The following PDE1A variants were observed in gnomAD, a reference collection of about 807,000 sequenced individuals.
The protein encoded by PDE1A is phosphodiesterase 1A.
PDE1A carries 35 observed loss-of-function variants against 61.7 expected under a neutral mutation model. That is an observed-to-expected ratio of 0.57 (90% CI 0.43 to 0.75). The LOEUF is 0.75. PDE1A is among the 30% of genes least tolerant of loss of function. PDE1A has a pLI of 0.00. For missense variants in PDE1A, 597 were observed against 630.6 expected, an observed-to-expected ratio of 0.95 and a Z score of 0.57; for synonymous variants, 232 against 213.2, an observed-to-expected ratio of 1.09 and a Z score of -0.77.
At chr2:182,698,298 T>C in the PDE1A span, among the ~76,000 whole-genome samples, 311 of 152,284 alleles carry the variant, frequency 2.0e-3, 2 homozygotes, top group African/African-American at 7.3e-3. Context: ...GGAATCTATC[T>C]TAGGCTCTTG....
At chr2:182,202,791 A>G (rs1480239941) in intron 8 of PDE1A, among the ~76,000 whole-genome samples, 2 of 152,222 alleles carry the variant, frequency 1.3e-5, no homozygotes, top group Non-Finnish European at 2.9e-5. Flanking sequence ...CCTCACACTT[A>G]GTAGAAAATA....
intron 2 of PDE1A, among the ~76,000 whole-genome samples, chr2:182,445,165 A>T (rs756571125): frequency 1.3e-5 from 2 of 152,136 alleles, no homozygotes; most frequent in Admixed American, 6.5e-5. Flanking sequence ...GGCAAAAAGA[A>T]AAGTTTTACT....
intron 1 of PDE1A, among the ~76,000 whole-genome samples, chr2:182,418,028 T>C (rs981903999): frequency 2.0e-5 from 3 of 152,084 alleles, no homozygotes; most frequent in Non-Finnish European, 2.9e-5. Context: ...ATCTATCCCA[T>C]AAAAAAATTT....
chr2:182,301,597 C>T (rs1296332445), intron 1 of PDE1A, among the ~76,000 whole-genome samples: 2 of 152,114 alleles, frequency 1.3e-5, no homozygotes, highest in Non-Finnish European at 2.9e-5. Flanking sequence ...ATTTTGTTAT[C>T]CTGATCCTGA....
chr2:182,340,571 G>A (rs546069328), intron 1 of PDE1A, among the ~76,000 whole-genome samples: 1 of 152,266 alleles, frequency 6.6e-6, no homozygotes. Context: ...ACTACATGTA[G>A]CATCTTCAGA....
chr2:182,573,493 C>A, the PDE1A span, among the ~76,000 whole-genome samples: 2 of 152,072 alleles, frequency 1.3e-5, no homozygotes, highest in African/African-American at 4.8e-5. Context: ...GGGGCTATCA[C>A]TAAACTAGGA....
chr2:182,623,881 T>A, the PDE1A span, among the ~76,000 whole-genome samples: 2 of 151,944 alleles, frequency 1.3e-5, no homozygotes, highest in Admixed American at 1.3e-4. Flanking sequence ...ACCCCAGCAC[T>A]TTGGGAGGCC....
the PDE1A span, among the ~76,000 whole-genome samples, chr2:182,628,386 TA>T: frequency 6.6e-6 from 1 of 152,234 alleles, no homozygotes; most frequent in Non-Finnish European, 1.5e-5. Context: ...ATATACCTCA[TA>T]ATTAATTTGC....
At chr2:182,485,870 T>A (rs1687990798) in intron 2 of PDE1A, among the ~76,000 whole-genome samples, 1 of 151,980 alleles carries the variant, frequency 6.6e-6, no homozygotes, top group South Asian at 2.1e-4. Flanking sequence ...AAGAGAAGCA[T>A]TGAACAACCC....
the PDE1A span, among the ~76,000 whole-genome samples, chr2:182,708,981 T>C: frequency 6.6e-6 from 1 of 152,026 alleles, no homozygotes; most frequent in Non-Finnish European, 1.5e-5. Flanking sequence ...TTCATACTGG[T>C]CAAAAAAAAC....
the PDE1A span, among the ~76,000 whole-genome samples, chr2:182,671,532 C>T: frequency 2.0e-5 from 3 of 151,030 alleles, no homozygotes; most frequent in Non-Finnish European, 3.0e-5. Context: ...ACACAAACCC[C>T]ATTTTTCCTG....
the PDE1A span, among the ~76,000 whole-genome samples, chr2:182,714,936 C>G: frequency 6.6e-6 from 1 of 152,170 alleles, no homozygotes; most frequent in African/African-American, 2.4e-5. Flanking sequence ...TTTGCATCCT[C>G]TCTCCAATAG....
intron 1 of PDE1A, among the ~76,000 whole-genome samples, chr2:182,360,522 G>A (rs911548017): frequency 7.5e-6 from 1 of 133,300 alleles, no homozygotes; most frequent in African/African-American, 2.7e-5. Context: ...ATATGAAGCA[G>A]TTTAGTGTTT....
chr2:182,649,839 A>T, the PDE1A span, among the ~76,000 whole-genome samples: 31 of 152,094 alleles, frequency 2.0e-4, no homozygotes, highest in East Asian at 4.3e-3. Context: ...TAAACTCCTG[A>T]CCTTGTGATC....
intron 2 of PDE1A, among the ~76,000 whole-genome samples, chr2:182,451,240 G>A (rs1192960365): frequency 1.5e-5 from 1 of 68,532 alleles, no homozygotes. Context: ...TTAGCCGGGC[G>A]TAGTGGCGGG....
In PDE1A at chr2:182,186,775, T is replaced by C. The variant is rs372372547; in HGVS notation, c.1208-187A>G. Among the ~76,000 whole-genome samples the C allele has an allele frequency of 1.4e-4, 21 of 152,330 alleles. No individual in the cohort carries two copies. In the East Asian group the frequency reaches 2.3e-3, roughly 17 times the overall value. Reference sequence around the variant, plus strand: ...CAGTCTTTAGAGATGGTTTAACTGCTCTATAAAATAATACTTGAAGCCATG... The same window carrying C: ...CAGTCTTTAGAGATGGTTTAACTGCCCTATAAAATAATACTTGAAGCCATG... On this transcript the variant is annotated intron_variant, in intron 11 of 13. Transcript: ENST00000351439.
chr2:182,650,505 T>C, the PDE1A span, among the ~76,000 whole-genome samples: 2 of 152,228 alleles, frequency 1.3e-5, no homozygotes, highest in Non-Finnish European at 2.9e-5. Flanking sequence ...ATACATTTCA[T>C]GTGCATGGAA....
intron 2 of PDE1A, among the ~76,000 whole-genome samples, chr2:182,509,618 C>A (rs973456132): frequency 6.6e-6 from 1 of 152,058 alleles, no homozygotes; most frequent in Non-Finnish European, 1.5e-5. Flanking sequence ...TTTTCTCATC[C>A]GAAAGACTGG....
intron 2 of PDE1A, among the ~76,000 whole-genome samples, chr2:182,242,926 C>CGTGTGTGTGTGTGTGTGTGT (rs10529301): frequency 3.1e-5 from 1 of 31,784 alleles, no homozygotes; most frequent in Non-Finnish European, 6.2e-5. Flanking sequence ...CTCTCTCTCT[C>CGTGTGTGTGTGTGTGTGTGT]GTGTGTGTAT....
Sources: allele counts gnomAD v4.1 joint callset (sites outside exome capture counted in the v4.1 genomes callset), GRCh38; gene constraint gnomAD v4.1.1; transcripts MANE v1.5; gene names NCBI Gene and HGNC (gene_info 2026-07-23, HGNC 2026-07-21).